The following GCKR variants were observed in gnomAD, a reference collection of about 807,000 sequenced individuals.
GCKR encodes the protein glucokinase regulatory protein.
In GCKR, 73 loss-of-function variants were observed where a neutral mutation model predicts 82.9. That is an observed-to-expected ratio of 0.88 (90% confidence interval 0.73 to 1.07). GCKR has a LOEUF of 1.07. GCKR is among the 50% of genes least tolerant of loss of function. The pLI is 0.00. For synonymous variants in GCKR, 294 were observed against 291.8 expected (o/e 1.01, Z -0.08); for missense variants, 784 against 782.1 (o/e 1.00, Z -0.03).
At chr2:27,518,413 A>AT (rs1670060620) in intron 16 of GCKR, among the ~76,000 whole-genome samples, 1 of 152,224 alleles carries the variant, frequency 6.6e-6, no homozygotes, top group Admixed American at 6.5e-5. Flanking sequence ...CTGGAGCAGA[A>AT]TAAGTCACCA....
At chr2:27,507,816 G>A (rs1483067543) in intron 14 of GCKR, 39 bp downstream of exon 14, 15 of 1,294,460 alleles carry the variant, frequency 1.2e-5, no homozygotes, top group Non-Finnish European at 1.7e-5. Context: ...GTGGGGAGGG[G>A]GAAATAGAAT....
intron 1 of GCKR, 100 bp from the exon 2 acceptor site, chr2:27,497,144 A>C (rs969257865): frequency 8.5e-6 from 12 of 1,406,010 alleles, no homozygotes; most frequent in Non-Finnish European, 1.1e-5. Flanking sequence ...GCGTGTGTGT[A>C]AGTCCAAACT....
In GCKR at chr2:27,506,502, G is replaced by A. The variant is rs1337224823; in HGVS notation, c.891G>A (p.Arg297=). ...ASQRCLLEIL[R]TFERAHQVTY... is the part of the protein sequence containing the mutation. ...CCAGATGCCTCCTGGAAATCTTGCG[G>A]ACATTTGAGCGAGCTCATCAGGTGA... is the stretch of plus-strand genomic sequence containing the variant. Residue 297 remains arginine (R), a synonymous_variant, in exon 11 of 19, where the codon CGG becomes CGA. Transcript: ENST00000264717. 3 of 1,613,834 alleles carry A rather than the reference G, an allele frequency of 1.9e-6. 1 individual carries two copies. Among genetic ancestry groups the A allele is most frequent in the South Asian group, 2.2e-5 (2 of 91,078 alleles).
Position 27,498,296 on chromosome 2 carries a change from C to A in GCKR, c.327C>A (p.Thr109=), listed in dbSNP as rs1669469690. 7 of 1,613,818 alleles carry A rather than the reference C, an allele frequency of 4.3e-6. No individual in the cohort carries two copies. The highest frequency in any genetic ancestry group is 5.9e-6 in the Non-Finnish European group (7 of 1,179,736). Residue 109 remains threonine (T), a synonymous_variant, in exon 4 of 19, where the codon ACC becomes ACA. Transcript: ENST00000264717. ...GGLVVLSGGG[T]SGRMAFLMSV... The stretch of plus-strand genomic sequence containing the variant: ...TGGTTGTGCTGAGTGGAGGGGGCAC[C>A]TCTGGCCGGATGGCATTCCTCATGT...
At chr2:27,507,469 G>C (rs529141390) in intron 13 of GCKR, 158 bp downstream of exon 13, 1 of 715,210 alleles carries the variant, frequency 1.4e-6, no homozygotes, top group African/African-American at 1.7e-5. Context: ...CTTAGCATGG[G>C]CAGTGTGGAA....
In GCKR at chr2:27,499,405, C is replaced by CT; in HGVS notation, c.504_505insT (p.Gly169TrpfsTer49). On this transcript the variant is annotated frameshift_variant, in exon 7 of 19. Transcript: ENST00000264717. LOFTEE classifies it high-confidence loss of function. ...CCATCCTCCTCTCCTAGGTGGCTGC[C>CT]GGGAAGAAGAGAGTGATTGTCATTG... is the stretch of plus-strand genomic sequence containing the variant. 1.2e-6 allele frequency: 2 copies of CT among 1,612,004 alleles called. No individual in the cohort carries two copies. Among genetic ancestry groups the CT allele is most frequent in the African/African-American group, 1.3e-5 (1 of 74,968 alleles).
At chr2:27,509,840 A>G (rs1360038249) in intron 16 of GCKR, 1 of 155,376 alleles carries the variant, frequency 6.4e-6, no homozygotes, top group Non-Finnish European at 1.4e-5. Context: ...TATTATATGC[A>G]TATATAAATA....
rs1558442788 is a variant in GCKR at position 27,518,834 on chromosome 2, G to A, written c.1469G>A (p.Ser490Asn). 8 of 1,612,908 alleles carry A rather than the reference G, an allele frequency of 5.0e-6. No individual in the cohort carries two copies. The highest frequency in any genetic ancestry group is 1.1e-5 in the South Asian group (1 of 91,056). Residue 490 changes from serine (S) to asparagine (N), a missense_variant, in exon 17 of 19, where the codon AGT (serine) becomes AAT (asparagine). Ser to Asn is a conservative substitution (Grantham distance 46). Transcript: ENST00000264717. Reference sequence around the variant, plus strand: ...ACCAAATGGGTGCTGAATACAGTGAGTACAGGTGCTCATGTGCTTCTTGGT... The same window carrying A: ...ACCAAATGGGTGCTGAATACAGTGAATACAGGTGCTCATGTGCTTCTTGGT... ...LSTKWVLNTVSTGAHVLLGKI... is the reference protein window; with the variant it reads ...LSTKWVLNTVNTGAHVLLGKI...
intron 9 of GCKR, among the ~76,000 whole-genome samples, chr2:27,505,040 C>A (rs1435452700): frequency 1.5e-5 from 2 of 129,940 alleles, no homozygotes; most frequent in South Asian, 2.6e-4. Context: ...GCAGGAGAAT[C>A]GCTTGAATTT....
At chr2:27,508,144 C>T (rs1045014131) in intron 15 of GCKR, 24 bp from the exon 16 acceptor site, 1 of 1,594,504 alleles carries the variant, frequency 6.3e-7, no homozygotes, top group African/African-American at 1.3e-5. Flanking sequence ...GATGCCTCTC[C>T]TGCTCCTCTT....
chr2:27,510,928 G>T (rs1333276614), intron 16 of GCKR, among the ~76,000 whole-genome samples: 1 of 150,508 alleles, frequency 6.6e-6, no homozygotes, highest in Non-Finnish European at 1.5e-5. Flanking sequence ...TTGTTTTTAC[G>T]TTTTTTATGT....
rs8179234 is a variant in GCKR at position 27,515,484 on chromosome 2, C to T, written c.1423-3304C>T. Among the ~76,000 whole-genome samples the T allele has an allele frequency of 2.6e-3, 388 of 151,874 alleles. 2 individuals are homozygous for T. Among genetic ancestry groups the T allele is most frequent in the Non-Finnish European group, 4.4e-3 (300 of 67,938 alleles). The stretch of plus-strand genomic sequence containing the variant: ...TGGCCAGGGGTGTCACCATGTTGGC[C>T]AGGCTGGTCTTAAACTCCTGACCTC... On this transcript the variant is annotated intron_variant, in intron 16 of 18. Transcript: ENST00000264717.
intron 16 of GCKR, among the ~76,000 whole-genome samples, chr2:27,515,103 A>C (rs1211255397): frequency 6.6e-6 from 1 of 151,720 alleles, no homozygotes; most frequent in Non-Finnish European, 1.5e-5. Context: ...TCAGCCTCCC[A>C]AGTAGCTGGG....
chr2:27,512,253 AAAAG>A (rs1328769585), intron 16 of GCKR, among the ~76,000 whole-genome samples: 7 of 149,354 alleles, frequency 4.7e-5, no homozygotes, highest in African/African-American at 1.7e-4. Flanking sequence ...AAAAAAAAAA[AAAAG>A]CCGGGCGTGG....
chr2:27,518,968 G>GGC, intron 17 of GCKR, 31 bp downstream of exon 17: 1 of 743,118 alleles, frequency 1.3e-6, no homozygotes, highest in Non-Finnish European at 2.4e-6. Context: ...GGTTGGGTGG[G>GGC]ACCTGGCCTC....
intron 16 of GCKR, among the ~76,000 whole-genome samples, chr2:27,511,197 T>A (rs1669874015): frequency 6.6e-6 from 1 of 151,946 alleles, no homozygotes; most frequent in Non-Finnish European, 1.5e-5. Flanking sequence ...CCTGCTACTT[T>A]TTTCATTTTT....
Position 27,499,929 on chromosome 2 carries a change from T to C in GCKR, c.549+479T>C, listed in dbSNP as rs548643525. On this transcript the variant is annotated intron_variant, in intron 7 of 18. Coordinates refer to ENST00000264717, the MANE Select transcript of GCKR (RefSeq NM_001486.4). ...CCCACCACAATGCCCGGCTAATTTT[T>C]GCATTTTTAGTAGAGACAGAGTTTC... 1.1e-4 allele frequency among the ~76,000 whole-genome samples: 16 copies of C among 150,694 alleles called. No homozygotes were observed. In the South Asian group the frequency reaches 3.4e-3, roughly 32 times the overall value.
rs766425071 is a variant in GCKR, at chr2:27,497,592, A to G, written c.247A>G (p.Met83Val). 10 of 1,612,166 alleles carry G rather than the reference A, an allele frequency of 6.2e-6. No homozygotes were observed. The highest frequency in any genetic ancestry group is 1.7e-4 in the Middle Eastern group (1 of 6,056). Residue 83 changes from methionine to valine, a missense_variant, in exon 3 of 19, where the codon ATG becomes GTG. Physicochemically the swap from Met to Val is conservative, Grantham distance 21. Transcript: ENST00000264717. The part of the protein sequence containing the change: ...RLYSESILTT[M>V]VQVAGKVQEV... Reference sequence around the variant, plus strand: ...CTACAGCGAATCCATTCTGACCACCATGGTACAGGTGGCTGGGAAAGTTCA... The same window carrying G: ...CTACAGCGAATCCATTCTGACCACCGTGGTACAGGTGGCTGGGAAAGTTCA...
chr2:27,518,701 G>C, intron 16 of GCKR, 87 bp from the exon 17 acceptor site: 1 of 1,103,582 alleles, frequency 9.1e-7, no homozygotes, highest in South Asian at 1.2e-5. Flanking sequence ...TTGACAGTTG[G>C]TTTCCTGTCT....
Sources: gnomAD v4.1 joint callset for allele counts (sites outside exome capture counted in the v4.1 genomes callset) on GRCh38, gnomAD v4.1.1 for gene constraint, MANE v1.5 for transcripts, NCBI Gene and HGNC (gene_info 2026-07-23, HGNC 2026-07-21) for gene names.